Variants in ALK observed in about 807,000 individuals in gnomAD.
ALK encodes ALK receptor tyrosine kinase, also known as ALK tyrosine kinase receptor.
Under a neutral mutation model 163.1 loss-of-function variants are expected in ALK, and 74 were observed. The ratio of observed to expected loss-of-function variants is 0.45; its 90% CI spans 0.38 to 0.55. The LOEUF is 0.55. Among genes scored for constraint, ALK ranks in the 20% least tolerant of loss-of-function variants. ALK has a pLI of 0.00. For missense variants in ALK, 2,063 were observed against 2,105.3 expected, an observed-to-expected ratio of 0.98 and a Z score of 0.39; for synonymous variants, 960 against 843.2, an observed-to-expected ratio of 1.14 and a Z score of -2.40.
At chr2:29,456,794 G>A (rs1171792136) in intron 4 of ALK, among the ~76,000 whole-genome samples, 2 of 152,124 alleles carry the variant, frequency 1.3e-5, no homozygotes, top group Non-Finnish European at 2.9e-5. Context: ...TAAATTAGAT[G>A]TCACATGTGA....
rs537339405 is a variant in ALK at position 29,477,871 on chromosome 2, C to T, written c.1154+54044G>A. ...GCTGAATGTGAATGTGATTTAGAATCCGAAATCTTGGGTTCTAGCTGGAGG... is the reference window on the plus strand; with the variant it reads ...GCTGAATGTGAATGTGATTTAGAATTCGAAATCTTGGGTTCTAGCTGGAGG... On this transcript the variant is annotated intron_variant, in intron 4 of 28. Transcript: ENST00000389048. 6.6e-5 allele frequency among the ~76,000 whole-genome samples: 10 copies of T among 152,324 alleles called. No individual in the cohort carries two copies. In the South Asian group the frequency reaches 2.1e-3, roughly 32 times the overall value.
chr2:29,373,342 T>C (rs1668680797), intron 5 of ALK, among the ~76,000 whole-genome samples: 1 of 152,230 alleles, frequency 6.6e-6, no homozygotes, highest in Non-Finnish European at 1.5e-5. Flanking sequence ...AATTCATTAC[T>C]ATTTTACTAC....
chr2:29,375,842 A>T (rs1265667300), intron 5 of ALK, among the ~76,000 whole-genome samples: 2 of 152,164 alleles, frequency 1.3e-5, no homozygotes, highest in Non-Finnish European at 2.9e-5. Context: ...CCAGGAATGG[A>T]ACACCTATTC....
At chr2:29,654,037 G>A (rs1374876616) in intron 3 of ALK, among the ~76,000 whole-genome samples, 1 of 152,136 alleles carries the variant, frequency 6.6e-6, no homozygotes, top group African/African-American at 2.4e-5. Context: ...CAGCCTGGGT[G>A]ACAGAGCAAG....
intron 26 of ALK, among the ~76,000 whole-genome samples, chr2:29,201,262 C>G (rs532127534): frequency 1.3e-5 from 2 of 152,230 alleles, no homozygotes; most frequent in South Asian, 2.1e-4. Flanking sequence ...CTATCAGATG[C>G]CCACTCATTA....
intron 4 of ALK, among the ~76,000 whole-genome samples, chr2:29,526,587 T>C (rs1047029342): frequency 2.6e-5 from 4 of 152,232 alleles, no homozygotes; most frequent in Admixed American, 1.3e-4. Flanking sequence ...TGAATGACTT[T>C]GAAAGTGAGA....
At chr2:29,748,126 C>T (rs1680254422) in intron 1 of ALK, among the ~76,000 whole-genome samples, 1 of 152,124 alleles carries the variant, frequency 6.6e-6, no homozygotes. Flanking sequence ...GCAAGACCCA[C>T]AACAAGAGAT....
intron 4 of ALK, among the ~76,000 whole-genome samples, chr2:29,497,856 T>C (rs1672070564): frequency 6.6e-6 from 1 of 152,152 alleles, no homozygotes; most frequent in Non-Finnish European, 1.5e-5. Flanking sequence ...AGTCATGAAA[T>C]GATTATTGCT....
intron 3 of ALK, among the ~76,000 whole-genome samples, chr2:29,620,352 T>G (rs1675995101): frequency 6.6e-6 from 1 of 152,162 alleles, no homozygotes; most frequent in Non-Finnish European, 1.5e-5. Flanking sequence ...GTGTCCAAAT[T>G]TCCACCTCTT....
intron 4 of ALK, among the ~76,000 whole-genome samples, chr2:29,504,156 G>A (rs1025898560): frequency 3.3e-5 from 5 of 152,064 alleles, no homozygotes; most frequent in Non-Finnish European, 5.9e-5. Flanking sequence ...AAGGATGAGT[G>A]GGAGGTGACA....
At chr2:29,241,479 G>A (rs1385157675) in intron 12 of ALK, among the ~76,000 whole-genome samples, 1 of 152,068 alleles carries the variant, frequency 6.6e-6, no homozygotes, top group South Asian at 2.1e-4. Flanking sequence ...CTTAGGGCCA[G>A]GAGGGAGATG....
intron 3 of ALK, among the ~76,000 whole-genome samples, chr2:29,673,262 T>C (rs1677763217): frequency 8.2e-6 from 1 of 121,304 alleles, no homozygotes; most frequent in Non-Finnish European, 1.6e-5. Flanking sequence ...CATGCCTATG[T>C]CCTGAATGGT....
rs117584278 is a variant in ALK, at chr2:29,202,300, A to C, written c.3939-4624T>G. On this transcript the variant is annotated intron_variant, in intron 26 of 28. Coordinates refer to ENST00000389048, the MANE Select transcript of ALK (RefSeq NM_004304.5). ...CCCCCCGCCCACCTTTGCCAAAAAA[A>C]CCCCAGCTCCTCCTCTTTCTGCCTG... is the stretch of plus-strand genomic sequence containing the variant. 2.9e-3 allele frequency among the ~76,000 whole-genome samples: 439 copies of C among 152,236 alleles called. 12 individuals are homozygous for C. The East Asian group carries it at 0.06, about 21-fold the overall frequency.
At chr2:29,897,258 C>G (rs965670734) in intron 1 of ALK, among the ~76,000 whole-genome samples, 1 of 151,776 alleles carries the variant, frequency 6.6e-6, no homozygotes, top group Non-Finnish European at 1.5e-5. Flanking sequence ...AGTGGTTCTG[C>G]AGCTACTCGG....
chr2:29,733,482 C>CGTGA (rs994622597), intron 1 of ALK, among the ~76,000 whole-genome samples: 87 of 152,332 alleles, frequency 5.7e-4, no homozygotes, highest in African/African-American at 2.0e-3. Flanking sequence ...CTAGCACCTA[C>CGTGA]GTGACCTCAG....
At chr2:29,541,826 C>A (rs542335824) in intron 3 of ALK, among the ~76,000 whole-genome samples, 6 of 152,264 alleles carry the variant, frequency 3.9e-5, no homozygotes, top group South Asian at 2.1e-4. Flanking sequence ...GAGGTTGATA[C>A]CTTTAAAAGT....
intron 1 of ALK, among the ~76,000 whole-genome samples, chr2:29,886,137 T>C (rs1227997216): frequency 6.6e-6 from 1 of 152,218 alleles, no homozygotes; most frequent in African/African-American, 2.4e-5. Context: ...TTTTTTATAG[T>C]TGTGTTAATA....
At chr2:29,471,406 G>A (rs534699286) in intron 4 of ALK, among the ~76,000 whole-genome samples, 31 of 152,050 alleles carry the variant, frequency 2.0e-4, no homozygotes, top group Non-Finnish European at 4.0e-4. Context: ...TTAACAGATC[G>A]GTATGAATTA....
chr2:29,463,475 G>T (rs1671135127), intron 4 of ALK, among the ~76,000 whole-genome samples: 2 of 152,184 alleles, frequency 1.3e-5, no homozygotes, highest in Admixed American at 1.3e-4. Flanking sequence ...TTGCTCTCAT[G>T]TTACAAAGAA....
Sources: allele counts gnomAD v4.1 joint callset (sites outside exome capture counted in the v4.1 genomes callset), GRCh38; gene constraint gnomAD v4.1.1; transcripts MANE v1.5; gene names NCBI Gene and HGNC (gene_info 2026-07-23, HGNC 2026-07-21).